SLC22A23: variants seen among roughly 807,000 people sequenced by gnomAD.
SLC22A23 encodes ion transporter protein.
SLC22A23 carries 26 observed loss-of-function variants against 61.0 expected under a neutral mutation model. That is an observed-to-expected ratio of 0.43 (90% CI 0.31 to 0.59). The LOEUF (loss-of-function observed/expected upper bound fraction) is 0.59. Ranked by LOEUF, SLC22A23 falls within the 20% of genes least tolerant of loss-of-function variation. The pLI is 0.11. For missense variants in SLC22A23, 796 were observed against 934.7 expected, an observed-to-expected ratio of 0.85 and a Z score of 1.94; for synonymous variants, 430 against 413.9, an observed-to-expected ratio of 1.04 and a Z score of -0.47.
intron 1 of SLC22A23, chr6:3,431,988 C>T (rs1386773742): frequency 3.2e-5 from 5 of 158,060 alleles, no homozygotes. Flanking sequence ...GAAAAGGGCT[C>T]AGATTAAATG....
intron 3 of SLC22A23, among the ~76,000 whole-genome samples, chr6:3,384,235 T>C (rs1767139020): frequency 6.6e-6 from 1 of 152,232 alleles, no homozygotes; most frequent in Non-Finnish European, 1.5e-5. Flanking sequence ...CAGTGAATCT[T>C]TGCAAAGTGG....
rs1183924715 is a variant in SLC22A23 at position 3,456,377 on chromosome 6, G to A, written c.183C>T (p.Gly61=). The change falls in exon 1 of 10, where the codon GGC becomes GGT. Residue 61 remains glycine (G), a synonymous_variant. Coordinates refer to ENST00000406686, the MANE Select transcript of SLC22A23 (RefSeq NM_015482.2). The surrounding 1 kb of genome is among the most constrained non-coding windows in gnomAD (Gnocchi z 7.1). ...QPLPPLHPGG[G]PHPSCCSAAA... ...CCGCGGAGCAGCAGCTCGGGTGCGG[G>A]CCGCCTCCAGGATGCAGTGGGGGCA... is the stretch of plus-strand genomic sequence containing the variant. 2.5e-5 allele frequency: 39 copies of A among 1,540,390 alleles called. No individual in the cohort carries two copies. Among genetic ancestry groups the A allele is most frequent in the Admixed American group, 3.9e-5 (2 of 50,800 alleles).
In SLC22A23 at chr6:3,318,473, C is replaced by G. The variant is rs914704184; in HGVS notation, c.1082+5361G>C. ...TGCAGAAATGATCAAACTGCCAAAA[C>G]TCATCCTGCACACCCTGCCTCACCT... On this transcript the variant is annotated intron_variant, in intron 4 of 9. Transcript: ENST00000406686. The surrounding 1 kb of genome is among the most constrained non-coding windows in gnomAD (Gnocchi z 4.3). 6.6e-6 allele frequency among the ~76,000 whole-genome samples: 1 copy of G among 152,148 alleles called. No homozygotes were observed. The highest frequency in any genetic ancestry group is 1.5e-5 in the Non-Finnish European group (1 of 68,028).
At chr6:3,357,013 T>C (rs1311443923) in intron 3 of SLC22A23, among the ~76,000 whole-genome samples, 1 of 91,202 alleles carries the variant, frequency 1.1e-5, no homozygotes, top group South Asian at 3.6e-4. Context: ...TTTAAAGCAG[T>C]AAACCTAGCA....
At chr6:3,437,214 C>CT (rs60477896) in intron 1 of SLC22A23, among the ~76,000 whole-genome samples, 30,489 of 151,268 alleles carry the variant, frequency 0.2, 3,188 homozygotes, top group East Asian at 0.35. Flanking sequence ...AAACCATTTG[C>CT]TTATACTTAA....
intron 5 of SLC22A23, 115 bp from the exon 6 acceptor site, chr6:3,289,981 C>CTTTT (rs35568219): frequency 6.0e-5 from 27 of 449,478 alleles, no homozygotes; most frequent in East Asian, 1.4e-4. Context: ...GAGAGAGAAG[C>CTTTT]TTTTTTTTTT....
intron 3 of SLC22A23, among the ~76,000 whole-genome samples, chr6:3,369,147 G>A (rs1007743141): frequency 6.7e-6 from 1 of 150,142 alleles, no homozygotes; most frequent in Non-Finnish European, 1.5e-5. Context: ...CTAGCATTTC[G>A]TCTAAAGATG....
chr6:3,275,968 GTGA>G (rs989958351), intron 9 of SLC22A23, among the ~76,000 whole-genome samples: 8 of 152,272 alleles, frequency 5.3e-5, no homozygotes, highest in African/African-American at 1.9e-4. Context: ...TTGGGCAAAG[GTGA>G]CCTGGGCAGG....
At chr6:3,277,995 C>T (rs535359341) in intron 9 of SLC22A23, among the ~76,000 whole-genome samples, 1 of 152,314 alleles carries the variant, frequency 6.6e-6, no homozygotes, top group South Asian at 2.1e-4. Context: ...GCCCCACAGC[C>T]CGTGAGGAAA....
chr6:3,288,632 G>A (rs961593750), intron 6 of SLC22A23, among the ~76,000 whole-genome samples: 5 of 152,198 alleles, frequency 3.3e-5, no homozygotes, highest in Admixed American at 2.6e-4. Flanking sequence ...TCCACAAAAC[G>A]AATCATTAAA....
chr6:3,398,839 A>G (rs547420313), intron 3 of SLC22A23, among the ~76,000 whole-genome samples: 1 of 152,132 alleles, frequency 6.6e-6, no homozygotes, highest in Non-Finnish European at 1.5e-5. Flanking sequence ...GACCAGCCTG[A>G]GCAACATCGT....
chr6:3,447,737 C>T (rs9392495), intron 1 of SLC22A23, among the ~76,000 whole-genome samples: 7,730 of 150,760 alleles, frequency 0.051, 218 homozygotes, highest in East Asian at 0.08. Context: ...TACAGGTGCC[C>T]GCCACCACAC....
rs2127320975 is a variant in SLC22A23 at position 3,286,783 on chromosome 6, T to C, written c.1546+76A>G. The C allele has an allele frequency of 3.2e-6, 4 of 1,266,482 alleles. No homozygotes were observed. The highest frequency in any genetic ancestry group is 2.6e-5 in the South Asian group (2 of 76,208). 78.5% of individuals were successfully genotyped at this position (1,266,482 alleles called of 1,614,324 possible). A position where few individuals can be genotyped will look rare whatever the true frequency, so the allele number is the denominator to read the frequency against. ...TTTTAGAGTGGCCAGCGGAGTCTTATGCAGCCCTTTCAAATGCCCTTGGGG... is the reference window on the plus strand; with the variant it reads ...TTTTAGAGTGGCCAGCGGAGTCTTACGCAGCCCTTTCAAATGCCCTTGGGG... On this transcript the variant is annotated intron_variant, in intron 7 of 9. Transcript: ENST00000406686. This position sits in a 1 kb window ranked among gnomAD's most constrained non-coding sequence, Gnocchi z 4.2.
chr6:3,444,794 C>T (rs1394115141), intron 1 of SLC22A23: 8 of 985,486 alleles, frequency 8.1e-6, no homozygotes, highest in Non-Finnish European at 9.6e-6. Flanking sequence ...ACCCTGGATG[C>T]AGGCTTCCTG....
rs1341232016 is a variant in SLC22A23 at position 3,304,604 on chromosome 6, C to T, written c.1083-6386G>A. Among the ~76,000 whole-genome samples, 1 of 149,710 alleles carries T rather than the reference C, an allele frequency of 6.7e-6. No homozygotes were observed. The highest frequency in any genetic ancestry group is 2.4e-5 in the African/African-American group (1 of 41,228). ...TCACTACTCACTCAAATCCACTGAG[C>T]GAGTTGGATAGAAGCCCGCATGGCG... On this transcript the variant is annotated intron_variant, in intron 4 of 9. Transcript: ENST00000406686. This position sits in a 1 kb window ranked among gnomAD's most constrained non-coding sequence, Gnocchi z 4.3.
intron 3 of SLC22A23, among the ~76,000 whole-genome samples, chr6:3,397,554 T>G (rs114160069): frequency 0.011 from 1,674 of 152,360 alleles, 28 homozygotes; most frequent in African/African-American, 0.038. Flanking sequence ...ATGGTTACTA[T>G]GAAATTTACA....
intron 1 of SLC22A23, among the ~76,000 whole-genome samples, chr6:3,432,605 C>T (rs1770941168): frequency 6.6e-6 from 1 of 152,208 alleles, no homozygotes; most frequent in East Asian, 1.9e-4. Context: ...AATAAAAGCA[C>T]ACCATCAGTT....
intron 8 of SLC22A23, 48 bp from the exon 9 acceptor site, chr6:3,284,023 C>A (rs767696345): frequency 5.1e-5 from 80 of 1,564,186 alleles, no homozygotes; most frequent in Non-Finnish European, 2.6e-6. Context: ...GGAAGCCAGG[C>A]CAGGGTGGGA....
chr6:3,332,008 C>T (rs1456762130), intron 3 of SLC22A23, among the ~76,000 whole-genome samples: 5 of 152,212 alleles, frequency 3.3e-5, no homozygotes, highest in Non-Finnish European at 5.9e-5. Context: ...ATCCATTCTA[C>T]GGATCAAAAT....
Sources: gnomAD v4.1 joint callset for allele counts (sites outside exome capture counted in the v4.1 genomes callset) on GRCh38, gnomAD v4.1.1 for gene constraint, Gnocchi (gnomAD v3.1) non-coding constraint, MANE v1.5 for transcripts, NCBI Gene and HGNC (gene_info 2026-07-23, HGNC 2026-07-21) for gene names.